The following BMPER variants were observed in gnomAD, a reference collection of about 807,000 sequenced individuals.
BMPER encodes the protein BMP binding endothelial regulator.
In BMPER, 45 loss-of-function variants were observed where a neutral mutation model predicts 87.3. That is an observed-to-expected ratio of 0.52 (90% CI 0.41 to 0.66). The LOEUF (loss-of-function observed/expected upper bound fraction) is 0.66, where lower values mean the gene tolerates loss of function less well. BMPER is among the 30% of genes least tolerant of loss of function. The probability of loss-of-function intolerance (pLI) is 0.00; values close to 1 mark genes in which losing one functional copy is unlikely to be tolerated. For synonymous variants in BMPER, 326 were observed against 316.2 expected, an observed-to-expected ratio of 1.03 and a Z score of -0.33; for missense variants, 784 against 867.5, an observed-to-expected ratio of 0.90 and a Z score of 1.21.
chr7:34,027,014 A>G (rs533528762), intron 6 of BMPER, among the ~76,000 whole-genome samples: 282 of 152,126 alleles, frequency 1.9e-3, no homozygotes, highest in Non-Finnish European at 2.1e-3. Flanking sequence ...GTAAGTGGTG[A>G]TGTATGGTGT....
At chr7:33,949,425 CT>C (rs1233960664) in intron 3 of BMPER, among the ~76,000 whole-genome samples, 1 of 152,176 alleles carries the variant, frequency 6.6e-6, no homozygotes, top group Non-Finnish European at 1.5e-5. Flanking sequence ...CATACTCTCT[CT>C]CTCTGTGTGC....
intron 6 of BMPER, among the ~76,000 whole-genome samples, chr7:33,975,622 A>T (rs1023426115): frequency 6.6e-6 from 1 of 152,236 alleles, no homozygotes; most frequent in Admixed American, 6.5e-5. Context: ...AGTCATTTAC[A>T]GTAGGGAGTT....
chr7:33,970,070 A>G (rs892056366), intron 4 of BMPER, among the ~76,000 whole-genome samples: 1 of 152,242 alleles, frequency 6.6e-6, no homozygotes, highest in African/African-American at 2.4e-5. Flanking sequence ...ACTAGATTTA[A>G]AAGGAAGCAA....
chr7:33,975,651 T>C (rs565410798), intron 6 of BMPER, among the ~76,000 whole-genome samples: 1 of 152,214 alleles, frequency 6.6e-6, no homozygotes, highest in Non-Finnish European at 1.5e-5. Context: ...CATCTATTTT[T>C]TAAGCTTTTA....
At chr7:33,974,931 G>T in intron 6 of BMPER, 147 bp downstream of exon 6, 1 of 819,926 alleles carries the variant, frequency 1.2e-6, no homozygotes. Flanking sequence ...CGAGGGAAAA[G>T]CTCATCCACC....
chr7:33,921,765 G>T (rs1358634661), intron 2 of BMPER: 4 of 470,870 alleles, frequency 8.5e-6, no homozygotes, highest in African/African-American at 6.0e-5. Context: ...CGTTATGTTT[G>T]TTGCTTCTTC....
intron 11 of BMPER, among the ~76,000 whole-genome samples, chr7:34,066,094 T>C (rs534696986): frequency 2.6e-5 from 4 of 152,302 alleles, no homozygotes; most frequent in African/African-American, 9.6e-5. Context: ...TTAATCTTGG[T>C]AGTGTTTGGG....
chr7:33,979,348 C>T (rs182616924), intron 6 of BMPER, among the ~76,000 whole-genome samples: 5 of 151,314 alleles, frequency 3.3e-5, no homozygotes, highest in African/African-American at 1.2e-4. Flanking sequence ...CCACCACCCC[C>T]CTGCAACTCC....
At chr7:34,089,544 C>T (rs957972828) in intron 13 of BMPER, among the ~76,000 whole-genome samples, 12 of 152,114 alleles carry the variant, frequency 7.9e-5, no homozygotes, top group East Asian at 7.7e-4. Context: ...AGTGCAGTGG[C>T]GCAATCTCGG....
chr7:33,952,321 T>C (rs987963207), intron 3 of BMPER, among the ~76,000 whole-genome samples: 4 of 152,160 alleles, frequency 2.6e-5, no homozygotes, highest in Non-Finnish European at 1.5e-5. Flanking sequence ...AGATGATTTT[T>C]CCCCCTCCTG....
chr7:34,143,734 G>C (rs1790939394), intron 14 of BMPER, among the ~76,000 whole-genome samples: 1 of 152,080 alleles, frequency 6.6e-6, no homozygotes, highest in African/African-American at 2.4e-5. Flanking sequence ...AGGTCTTCAG[G>C]ATAAGCAAGA....
At chr7:33,929,696 G>A (rs1254419940) in intron 2 of BMPER, among the ~76,000 whole-genome samples, 1 of 152,176 alleles carries the variant, frequency 6.6e-6, no homozygotes, top group South Asian at 2.1e-4. Context: ...GTAAACCTGG[G>A]TGAGCCGTTT....
chr7:34,138,123 T>C (rs1201452369), intron 13 of BMPER, among the ~76,000 whole-genome samples: 1 of 152,224 alleles, frequency 6.6e-6, no homozygotes, highest in Admixed American at 6.5e-5. Flanking sequence ...GAACTTGTAA[T>C]TTTATTTAAT....
intron 2 of BMPER, among the ~76,000 whole-genome samples, chr7:33,914,650 C>G (rs1160119312): frequency 6.6e-6 from 1 of 152,166 alleles, no homozygotes; most frequent in Non-Finnish European, 1.5e-5. Context: ...TAGAAATAAA[C>G]TTCAAAACTT....
At chr7:33,982,349 G>A (rs984102241) in intron 6 of BMPER, among the ~76,000 whole-genome samples, 5 of 152,196 alleles carry the variant, frequency 3.3e-5, no homozygotes, top group Non-Finnish European at 7.3e-5. Context: ...CAATTATTGA[G>A]CAAATTAGAT....
chr7:34,070,816 C>CTTT (rs60588204), intron 11 of BMPER, among the ~76,000 whole-genome samples: 26,474 of 118,852 alleles, frequency 0.22, 2,760 homozygotes, highest in Non-Finnish European at 0.25. Context: ...AGCGGCAGAG[C>CTTT]TTTTTTTTTT....
rs147103397 is a variant in BMPER, at chr7:34,147,863, C to T, written c.1876+4503C>T. Among the ~76,000 whole-genome samples, 259 of 152,100 alleles carry T rather than the reference C, an allele frequency of 1.7e-3. 2 individuals carry two copies. Among genetic ancestry groups the T allele is most frequent in the African/African-American group, 5.8e-3 (241 of 41,550 alleles). Reference sequence around the variant, plus strand: ...TATGTTTTAAGAAATGATCTTATGTCTTTTACAAGTTTGAAAAAACAACTG... The same window carrying T: ...TATGTTTTAAGAAATGATCTTATGTTTTTTACAAGTTTGAAAAAACAACTG... On this transcript the variant is annotated intron_variant, in intron 14 of 14. Coordinates refer to ENST00000649409, the MANE Select transcript of BMPER (RefSeq NM_001365308.1).
chr7:34,147,376 C>T (rs1791056386), intron 14 of BMPER, among the ~76,000 whole-genome samples: 1 of 152,212 alleles, frequency 6.6e-6, no homozygotes, highest in African/African-American at 2.4e-5. Flanking sequence ...AAAGCCGGCA[C>T]ATAATGTTTT....
rs377137739 is a variant in BMPER at position 33,968,276 on chromosome 7, AAAGC to A, written c.402+1718_402+1721del. On this transcript the variant is annotated intron_variant, in intron 4 of 14. Coordinates refer to ENST00000649409, the MANE Select transcript of BMPER (RefSeq NM_001365308.1). ...GATAATATTTTATTCAATACGCAGA[AAAGC>A]AACCTGCGGTGAAGGGACCTACCAA... 5.1e-4 allele frequency among the ~76,000 whole-genome samples: 78 copies of A among 152,304 alleles called. 1 individual carries two copies. In the South Asian group the frequency reaches 0.012, roughly 24 times the overall value.
Sources: allele counts gnomAD v4.1 joint callset (sites outside exome capture counted in the v4.1 genomes callset), GRCh38; gene constraint gnomAD v4.1.1; transcripts MANE v1.5; gene names NCBI Gene and HGNC (gene_info 2026-07-23, HGNC 2026-07-21).